LRMDA: variants seen among roughly 807,000 people sequenced by gnomAD.
LRMDA encodes leucine rich melanocyte differentiation associated.
A neutral mutation model predicts 29.8 loss-of-function variants in LRMDA; 18 were observed. The observed-to-expected ratio is 0.60, with a 90% CI of 0.42 to 0.90. The LOEUF (loss-of-function observed/expected upper bound fraction) is 0.90, where lower values mean the gene tolerates loss of function less well. Among genes scored for constraint, LRMDA ranks in the 40% least tolerant of loss-of-function variants. The pLI, the probability that LRMDA is intolerant of heterozygous loss-of-function variation, is 0.00. For synonymous variants in LRMDA, 125 were observed against 109.4 expected (o/e 1.14, Z -0.89); for missense variants, 273 against 273.9 (o/e 1.00, Z 0.02).
At chr10:76,076,332 C>T (rs1335124062) in intron 5 of LRMDA, among the ~76,000 whole-genome samples, 11 of 116,048 alleles carry the variant, frequency 9.5e-5, no homozygotes, top group Admixed American at 1.2e-4. Context: ...GGCGACAGAG[C>T]GAGACTCCAT....
intron 2 of LRMDA, among the ~76,000 whole-genome samples, chr10:76,018,621 G>A (rs1001021879): frequency 6.7e-6 from 1 of 148,172 alleles, no homozygotes; most frequent in Admixed American, 6.7e-5. Context: ...AGGCTGGAGT[G>A]CAGTGGTTTA....
chr10:75,752,626 A>G (rs970505585), intron 2 of LRMDA, among the ~76,000 whole-genome samples: 3 of 152,214 alleles, frequency 2.0e-5, no homozygotes, highest in Non-Finnish European at 4.4e-5. Flanking sequence ...GTTTTGGGTC[A>G]TGGTGGTTTG....
intron 2 of LRMDA, among the ~76,000 whole-genome samples, chr10:76,005,858 A>C (rs529731824): frequency 8.9e-4 from 136 of 151,978 alleles, no homozygotes; most frequent in Non-Finnish European, 1.6e-3. Context: ...TGAACCCGGG[A>C]GGCGGAGCTT....
At chr10:75,700,472 G>C (rs1359024631) in intron 2 of LRMDA, among the ~76,000 whole-genome samples, 1 of 135,050 alleles carries the variant, frequency 7.4e-6, no homozygotes, top group Non-Finnish European at 1.5e-5. Context: ...GTCTCGCTCT[G>C]TCGCCTAGGC....
At chr10:76,372,713 A>G (rs532711306) in intron 6 of LRMDA, among the ~76,000 whole-genome samples, 47 of 152,140 alleles carry the variant, frequency 3.1e-4, no homozygotes, top group Non-Finnish European at 6.0e-4. Flanking sequence ...TTTTTATGCT[A>G]TGCAGAGATG....
At chr10:75,453,214 A>G (rs1260058609) in intron 2 of LRMDA, among the ~76,000 whole-genome samples, 1 of 152,224 alleles carries the variant, frequency 6.6e-6, no homozygotes, top group East Asian at 1.9e-4. Context: ...GAGAGAGAAA[A>G]TGTGTGAAGA....
At chr10:75,865,595 C>A (rs902402747) in intron 2 of LRMDA, among the ~76,000 whole-genome samples, 77 of 152,150 alleles carry the variant, frequency 5.1e-4, no homozygotes, top group African/African-American at 1.8e-3. Context: ...TCTTCTGAAT[C>A]ACTGGAGGTT....
At chr10:76,097,538 T>C (rs1050391655) in intron 5 of LRMDA, among the ~76,000 whole-genome samples, 14 of 152,214 alleles carry the variant, frequency 9.2e-5, no homozygotes, top group Non-Finnish European at 1.3e-4. Flanking sequence ...CAACTAAGTA[T>C]GAAGTTAGCT....
intron 2 of LRMDA, among the ~76,000 whole-genome samples, chr10:75,954,016 C>T (rs1459167351): frequency 6.6e-6 from 1 of 152,184 alleles, no homozygotes; most frequent in African/African-American, 2.4e-5. Context: ...ATTTGACATG[C>T]TCTTGCTGGC....
chr10:76,415,512 A>G (rs1025515352), intron 6 of LRMDA, among the ~76,000 whole-genome samples: 1 of 152,170 alleles, frequency 6.6e-6, no homozygotes, highest in Non-Finnish European at 1.5e-5. Flanking sequence ...TCTAGGCTTC[A>G]GTTTCTTCCA....
intron 2 of LRMDA, among the ~76,000 whole-genome samples, chr10:75,758,246 T>G (rs1215548820): frequency 6.6e-6 from 1 of 152,226 alleles, no homozygotes; most frequent in African/African-American, 2.4e-5. Context: ...CTGGGTGTGC[T>G]CCCGCCCTCT....
intron 2 of LRMDA, among the ~76,000 whole-genome samples, chr10:75,534,429 C>T (rs555668608): frequency 7.9e-6 from 1 of 126,880 alleles, no homozygotes; most frequent in African/African-American, 2.5e-5. Context: ...CTGTTTCTAG[C>T]CGTCCTGACT....
At chr10:76,222,338 C>G (rs1464764304) in intron 5 of LRMDA, among the ~76,000 whole-genome samples, 6 of 152,102 alleles carry the variant, frequency 3.9e-5, no homozygotes, top group Non-Finnish European at 7.4e-5. Context: ...AGGCAACCTA[C>G]AAAATGGGAG....
chr10:75,592,737 G>A (rs955603724), intron 2 of LRMDA, among the ~76,000 whole-genome samples: 3 of 152,238 alleles, frequency 2.0e-5, no homozygotes, highest in African/African-American at 7.2e-5. Context: ...TATTTTAAGC[G>A]AGGAAAATTG....
At chr10:76,538,149 A>AT (rs1442431493) in intron 6 of LRMDA, among the ~76,000 whole-genome samples, 2 of 152,036 alleles carry the variant, frequency 1.3e-5, no homozygotes, top group Non-Finnish European at 2.9e-5. Flanking sequence ...TAGGGTTCAC[A>AT]TTTTCCATCC....
At chr10:75,788,228 C>T (rs1263187582) in intron 2 of LRMDA, among the ~76,000 whole-genome samples, 1 of 152,194 alleles carries the variant, frequency 6.6e-6, no homozygotes, top group Admixed American at 6.5e-5. Flanking sequence ...ATAACAGTGG[C>T]TTAAAATGGG....
chr10:75,625,635 C>T (rs1207765717), intron 2 of LRMDA, among the ~76,000 whole-genome samples: 1 of 152,162 alleles, frequency 6.6e-6, no homozygotes, highest in Non-Finnish European at 1.5e-5. Flanking sequence ...TTTCTTGCTA[C>T]AGCTTGTTAA....
intron 2 of LRMDA, among the ~76,000 whole-genome samples, chr10:75,858,086 G>C (rs1188168183): frequency 6.6e-6 from 1 of 152,212 alleles, no homozygotes; most frequent in African/African-American, 2.4e-5. Context: ...CTGGTTGTCT[G>C]CTGTGATGCT....
chr10:75,511,125 C>T (rs1028890666), intron 2 of LRMDA, among the ~76,000 whole-genome samples: 2 of 152,088 alleles, frequency 1.3e-5, no homozygotes, highest in African/African-American at 2.4e-5. Flanking sequence ...CCCAGGAGTT[C>T]GAGACCAGCC....
Sources: allele counts gnomAD v4.1 joint callset (sites outside exome capture counted in the v4.1 genomes callset), GRCh38; gene constraint gnomAD v4.1.1; transcripts MANE v1.5; gene names NCBI Gene and HGNC (gene_info 2026-07-23, HGNC 2026-07-21).